MTERF4: variants seen among roughly 807,000 people sequenced by gnomAD.
MTERF4 encodes mitochondrial transcription termination factor 4, also known as transcription termination factor 4, mitochondrial.
MTERF4 carries 17 observed loss-of-function variants against 22.5 expected under a neutral mutation model. The observed-to-expected ratio is 0.75, with a 90% CI of 0.52 to 1.13. The LOEUF (loss-of-function observed/expected upper bound fraction) is 1.13, where lower values mean the gene tolerates loss of function less well. MTERF4 is among the 50% of genes most tolerant of loss of function. MTERF4 has a pLI of 0.00. For missense variants in MTERF4, 420 were observed against 466.8 expected, an observed-to-expected ratio of 0.90 and a Z score of 0.92; for synonymous variants, 165 against 175.3, an observed-to-expected ratio of 0.94 and a Z score of 0.47.
At chr2:241,072,602 G>C (rs2062786884) in exon 5 of MTERF4, 1 of 266,998 alleles carries the variant, frequency 3.7e-6, no homozygotes, top group African/African-American at 2.3e-5. Context: ...GGGAAATGCA[G>C]CAAGGAGAGT....
In MTERF4 at chr2:241,102,285, G is replaced by T. The variant is rs1472668694; in HGVS notation, c.-12C>A. 1 of 1,548,728 alleles carries T rather than the reference G, an allele frequency of 6.5e-7. No individual in the cohort carries two copies. Among genetic ancestry groups the T allele is most frequent in the Non-Finnish European group, 8.7e-7 (1 of 1,145,414 alleles). On this transcript the variant is annotated 5_prime_UTR_variant, in exon 1 of 4. Coordinates refer to ENST00000391980, the MANE Select transcript of MTERF4 (RefSeq NM_182501.4). ...CCGAACGCAGCCATAGCGCGGAGAAGATGGCAGCAGTTACGGCGCCGGAAG... is the reference window on the plus strand; with the variant it reads ...CCGAACGCAGCCATAGCGCGGAGAATATGGCAGCAGTTACGGCGCCGGAAG...
downstream of MTERF4, chr2:241,088,496 C>A: frequency 9.8e-7 from 1 of 1,025,256 alleles, no homozygotes; most frequent in Non-Finnish European, 1.5e-6. Flanking sequence ...CCGCTGCCTG[C>A]TTACTCAGCA....
At chr2:241,046,604 A>G in the MTERF4 span, among the ~76,000 whole-genome samples, 5 of 152,188 alleles carry the variant, frequency 3.3e-5, no homozygotes, top group African/African-American at 1.2e-4. Flanking sequence ...AAACAAAACT[A>G]TAGTGATGAA....
downstream of MTERF4, chr2:241,089,096 TAA>T (rs2063743341): frequency 2.4e-5 from 12 of 495,410 alleles, no homozygotes; most frequent in South Asian, 4.2e-4. Context: ...TGCCGAATCT[TAA>T]ACAACACTGG....
chr2:241,047,682 C>T, the MTERF4 span, among the ~76,000 whole-genome samples: 1 of 152,242 alleles, frequency 6.6e-6, no homozygotes, highest in Non-Finnish European at 1.5e-5. Context: ...TGACCAGAAA[C>T]GTTTGGAGGC....
downstream of MTERF4, chr2:241,069,906 C>A: frequency 6.2e-7 from 1 of 1,609,962 alleles, no homozygotes; most frequent in South Asian, 1.1e-5. The surrounding 1 kb of genome is among the most constrained non-coding windows in gnomAD (Gnocchi z 4.9). Flanking sequence ...TCTCCCTGCT[C>A]CTGCCTCATC....
chr2:241,063,724 C>G, the MTERF4 span: 1 of 1,477,288 alleles, frequency 6.8e-7, no homozygotes, highest in Non-Finnish European at 9.4e-7. Flanking sequence ...CCAGTGGGCC[C>G]CACATGCAGA....
At chr2:241,101,290 C>G (rs2064695456) in intron 1 of MTERF4, 1 of 405,522 alleles carries the variant, frequency 2.5e-6, no homozygotes, top group Admixed American at 2.8e-5. Context: ...AACCTGGACC[C>G]CTCAAAGGCG....
chr2:241,089,010 G>A (rs891228225), downstream of MTERF4: 11 of 307,992 alleles, frequency 3.6e-5, no homozygotes, highest in African/African-American at 2.2e-4. Context: ...ACTTCCTCTC[G>A]CCTTTGTTTA....
the MTERF4 span, among the ~76,000 whole-genome samples, chr2:241,056,926 A>G: frequency 6.6e-6 from 1 of 152,214 alleles, no homozygotes; most frequent in Non-Finnish European, 1.5e-5. Context: ...TCTGTGGGAC[A>G]ATATCAAACA....
chr2:241,060,162 TAAATGTAAAAGCTAAAACTATAAAC>T, the MTERF4 span, among the ~76,000 whole-genome samples: 1 of 151,848 alleles, frequency 6.6e-6, no homozygotes, highest in African/African-American at 2.4e-5. Flanking sequence ...ACTATAAACA[TAAATGTAAAAGCTAAAACTATAAAC>T]TTTTTTTTTT....
At chr2:241,083,370 TG>T (rs58126776), downstream of MTERF4, among the ~76,000 whole-genome samples, 13,312 of 145,418 alleles carry the variant, frequency 0.092, 630 homozygotes, top group East Asian at 0.21. Flanking sequence ...AGAAGGACTC[TG>T]GTGTTTGTCC....
At chr2:241,053,466 C>A in the MTERF4 span, 7 of 851,010 alleles carry the variant, frequency 8.2e-6, no homozygotes, top group Non-Finnish European at 1.2e-5. Flanking sequence ...CCCTCAGTCT[C>A]CTGTCTGTGA....
At chr2:241,082,201 T>C, downstream of MTERF4, 3 of 1,251,460 alleles carry the variant, frequency 2.4e-6, no homozygotes, top group South Asian at 3.9e-5. Flanking sequence ...GCCCTCTCCC[T>C]TGGGCAAGGC....
Position 241,075,654 on chromosome 2 carries a change from T to G in MTERF4, n.508A>C, listed in dbSNP as rs959889474. ...CAGGTATCTTCCTCCAGCCTCTGGC[T>G]TGTCCTTCCCTGTTCTTGGTGGTAC... is the stretch of plus-strand genomic sequence containing the variant. On this transcript the variant is annotated non_coding_transcript_exon_variant, in exon 5 of 5. Transcript: ENST00000464344. This position sits in a 1 kb window ranked among gnomAD's most constrained non-coding sequence, Gnocchi z 4.8. 6.6e-6 allele frequency: 1 copy of G among 152,204 alleles called. No individual in the cohort carries two copies. Among genetic ancestry groups the G allele is most frequent in the African/African-American group, 2.4e-5 (1 of 41,460 alleles). 9.4% of individuals were successfully genotyped at this position (152,204 alleles called of 1,614,324 possible). A position where few individuals can be genotyped will look rare whatever the true frequency, so the allele number is the denominator to read the frequency against.
At chr2:241,101,777 G>A (rs1324417384) in intron 1 of MTERF4, among the ~76,000 whole-genome samples, 1 of 152,240 alleles carries the variant, frequency 6.6e-6, no homozygotes, top group East Asian at 1.9e-4. Context: ...CTCAGGCCGG[G>A]CGCGGTGGCT....
chr2:241,053,263 G>T, the MTERF4 span: 8 of 1,602,164 alleles, frequency 5.0e-6, 1 homozygote, highest in Admixed American at 5.0e-5. Flanking sequence ...CAGCCTGAGC[G>T]CCCCCAGCCG....
At chr2:241,054,698 C>T in the MTERF4 span, among the ~76,000 whole-genome samples, 1 of 152,188 alleles carries the variant, frequency 6.6e-6, no homozygotes, top group Non-Finnish European at 1.5e-5. Context: ...AGATTAAAAA[C>T]TATAATAGTT....
At chr2:241,050,264 A>C in the MTERF4 span, among the ~76,000 whole-genome samples, 5 of 152,360 alleles carry the variant, frequency 3.3e-5, no homozygotes, top group African/African-American at 1.2e-4. Context: ...TGCTCAATCT[A>C]ATTCAGCATG....
Sources: allele counts gnomAD v4.1 joint callset (sites outside exome capture counted in the v4.1 genomes callset), GRCh38; gene constraint gnomAD v4.1.1; non-coding constraint Gnocchi (gnomAD v3.1); transcripts MANE v1.5; gene names NCBI Gene and HGNC (gene_info 2026-07-23, HGNC 2026-07-21).